The following ATG2B variants were observed in gnomAD, a reference collection of about 807,000 sequenced individuals.
ATG2B encodes the protein autophagy related 2B.
A neutral mutation model predicts 241.3 loss-of-function variants in ATG2B; 121 were observed. The observed-to-expected ratio is 0.50, with a 90% confidence interval of 0.43 to 0.58. The LOEUF is 0.58. Among genes scored for constraint, ATG2B ranks in the 20% least tolerant of loss-of-function variants. ATG2B has a pLI of 0.00. For synonymous variants in ATG2B, 858 were observed against 876.6 expected (o/e 0.98, Z 0.37); for missense variants, 2,306 against 2,491.6 (o/e 0.93, Z 1.59).
chr14:96,287,362 CAAT>C (rs1432550596), intron 41 of ATG2B, among the ~76,000 whole-genome samples: 4 of 151,008 alleles, frequency 2.6e-5, no homozygotes, highest in African/African-American at 9.8e-5. Context: ...ATGAGCACAA[CAAT>C]GTTTACAACT....
intron 6 of ATG2B, among the ~76,000 whole-genome samples, chr14:96,335,090 C>G (rs1887835649): frequency 6.6e-6 from 1 of 152,168 alleles, no homozygotes; most frequent in Non-Finnish European, 1.5e-5. Flanking sequence ...TCTTTTCCAA[C>G]TCTTTGCCCA....
In ATG2B at chr14:96,323,767, G is replaced by A. The variant is rs868841799; in HGVS notation, c.2540+129C>T. On this transcript the variant is annotated intron_variant, in intron 16 of 41. Coordinates refer to ENST00000359933, the MANE Select transcript of ATG2B (RefSeq NM_018036.7). ...ATTCATGTGAACACCCAATCATCAC[G>A]CTTATGAACCACAAAAGAATCAAGG... 2.1e-5 allele frequency: 15 copies of A among 700,210 alleles called. No individual in the cohort carries two copies. The Middle Eastern group carries it at 1.5e-3, about 69-fold the overall frequency. The allele number at this position is 700,210 out of a possible 1,614,324, so 43.4% of individuals were successfully genotyped here.
At position 96,328,353 on chromosome 14, in the gene ATG2B, A is replaced by G. The variant is rs1357204394; in HGVS notation, c.2157T>C (p.Ile719=). 6.2e-7 allele frequency: 1 copy of G among 1,604,264 alleles called. No individual in the cohort carries two copies. Among genetic ancestry groups the G allele is most frequent in the Non-Finnish European group, 8.5e-7 (1 of 1,175,228 alleles). The part of the protein sequence containing the change: ...SHMYTSYNKH[I]SLHKAFTEVF... ...GCAGCTTTTGAATACTTACCAGACT[A>G]ATATGTTTATTATATGAAGTATACA... Residue 719 remains isoleucine, a synonymous_variant, in exon 14 of 42, where the codon ATT becomes ATC. Coordinates refer to ENST00000359933, the MANE Select transcript of ATG2B (RefSeq NM_018036.7).
chr14:96,337,442 C>T (rs1887895777), intron 6 of ATG2B, among the ~76,000 whole-genome samples: 1 of 152,094 alleles, frequency 6.6e-6, no homozygotes, highest in African/African-American at 2.4e-5. Context: ...TGTCTTTATA[C>T]AGTGTCAAAG....
Position 96,347,305 on chromosome 14 carries a change from A to C in ATG2B, c.199T>G (p.Leu67Val), listed in dbSNP as rs763755775. 6.2e-7 allele frequency: 1 copy of C among 1,603,854 alleles called. No individual in the cohort carries two copies. Among genetic ancestry groups the C allele is most frequent in the Non-Finnish European group, 8.5e-7 (1 of 1,172,114 alleles). ...NEILESADAPLEVTEGFIQSI... is the reference protein window; with the variant it reads ...NEILESADAPVEVTEGFIQSI... ...TGAATGAATCCTTCAGTGACTTCTA[A>C]GGGTGCATCTGCTGACTCCAAGATC... The change falls in exon 2 of 42, where the codon TTA (leucine) becomes GTA (valine). Residue 67 changes from leucine to valine, a missense_variant. Physicochemically the swap from Leu to Val is conservative, Grantham distance 32. Transcript: ENST00000359933.
In ATG2B at chr14:96,311,405, A is replaced by G. The variant is rs139298418; in HGVS notation, c.3991-118T>C. ...ATAATCTGTCTCGCTACATAAAAAA[A>G]GTATTTAAATAAATCCATTTTTAAT... On this transcript the variant is annotated intron_variant, in intron 27 of 41. Transcript: ENST00000359933. The G allele has an allele frequency of 1.3e-4, 162 of 1,209,338 alleles. 1 individual carries two copies. In the African/African-American group the frequency reaches 2.0e-3, roughly 15 times the overall value. 74.9% of individuals were successfully genotyped at this position (1,209,338 alleles called of 1,614,324 possible).
At position 96,290,570 on chromosome 14, in the gene ATG2B, C is replaced by T. The variant is rs1266961893; in HGVS notation, c.5722G>A (p.Val1908Ile). 6 of 1,614,076 alleles carry T rather than the reference C, an allele frequency of 3.7e-6. No homozygotes were observed. The highest frequency in any genetic ancestry group is 4.2e-6 in the Non-Finnish European group (5 of 1,180,038). ...CGGTACTGCTCTATTGGGAGCCAGA[C>T]CAAGTCCTTTAGGCCTTGTACTACA... ...VQLVQGLKDL[V>I]WLPIEQYRKD... The change falls in exon 40 of 42, where the codon GTC (valine) becomes ATC (isoleucine). Residue 1908 changes from valine (V) to isoleucine (I), a missense_variant. Physicochemically the swap from Val to Ile is conservative, Grantham distance 29. Transcript: ENST00000359933. This position sits in a 1 kb window ranked among gnomAD's most constrained non-coding sequence, Gnocchi z 4.4.
chr14:96,294,280 A>G (rs1886568693), intron 36 of ATG2B, among the ~76,000 whole-genome samples: 1 of 152,226 alleles, frequency 6.6e-6, no homozygotes, highest in South Asian at 2.1e-4. Context: ...TGCTCCTCAT[A>G]ACAAGGGGGC....
chr14:96,287,272 A>AAT (rs1886362901), intron 41 of ATG2B, among the ~76,000 whole-genome samples: 3 of 151,378 alleles, frequency 2.0e-5, no homozygotes, highest in East Asian at 3.9e-4. Flanking sequence ...AAAAAAAAAA[A>AAT]ACGTGTCCAG....
chr14:96,317,719 A>G lies in ATG2B; in HGVS notation c.3016T>C (p.Phe1006Leu). ...TTACCATAGTGAACTGCAGATTTAAATGCACTAAAACTATCTTTGTTGAAA... is the reference window on the plus strand; with the variant it reads ...TTACCATAGTGAACTGCAGATTTAAGTGCACTAAAACTATCTTTGTTGAAA... The part of the protein sequence containing the change: ...NTFNKDSFSA[F>L]KSAVHYDEES... Residue 1006 changes from phenylalanine to leucine, a missense_variant, in exon 19 of 42, where the codon TTT becomes CTT. By Grantham distance (22) the Phe-to-Leu change is conservative. Transcript: ENST00000359933. 1 of 1,609,256 alleles carries G rather than the reference A, an allele frequency of 6.2e-7. No individual in the cohort carries two copies. The highest frequency in any genetic ancestry group is 8.5e-7 in the Non-Finnish European group (1 of 1,177,368).
intron 16 of ATG2B, 111 bp from the exon 17 acceptor site, chr14:96,322,846 T>A: frequency 2.3e-6 from 2 of 863,158 alleles, no homozygotes; most frequent in East Asian, 2.7e-5. Flanking sequence ...ATGATAGAAT[T>A]AAACTTCTCT....
At position 96,330,213 on chromosome 14, in the gene ATG2B, G is replaced by A. The variant is rs182082033; in HGVS notation, c.1731-579C>T. 5.2e-4 allele frequency among the ~76,000 whole-genome samples: 79 copies of A among 151,924 alleles called. 1 individual carries two copies. In the East Asian group the frequency reaches 0.014, roughly 26 times the overall value. ...AAAAATACAAGAAAAAAAAAGGGGG[G>A]TGGAAGAAAACAAAATGTTTTTACA... On this transcript the variant is annotated intron_variant, in intron 11 of 41. Transcript: ENST00000359933.
intron 20 of ATG2B, among the ~76,000 whole-genome samples, 177 bp from the exon 21 acceptor site, chr14:96,316,860 G>A (rs1182048559): frequency 3.9e-5 from 6 of 152,158 alleles, no homozygotes; most frequent in Admixed American, 3.9e-4. Flanking sequence ...TAACTTAAAT[G>A]CTATGTGGAA....
intron 2 of ATG2B, 83 bp downstream of exon 2, chr14:96,347,096 A>T: frequency 7.9e-7 from 1 of 1,260,364 alleles, no homozygotes; most frequent in Non-Finnish European, 1.1e-6. Context: ...CAAAGCAAAA[A>T]TACTAAATTT....
In ATG2B at chr14:96,290,653, C is replaced by T. The variant is rs1252730759; in HGVS notation, c.5702-63G>A. 6 of 1,592,570 alleles carry T rather than the reference C, an allele frequency of 3.8e-6. No homozygotes were observed. Among genetic ancestry groups the T allele is most frequent in the Non-Finnish European group, 5.1e-6 (6 of 1,168,362 alleles). On this transcript the variant is annotated intron_variant, in intron 39 of 41. Transcript: ENST00000359933. The surrounding 1 kb of genome is among the most constrained non-coding windows in gnomAD (Gnocchi z 4.4). ...GTTCAGACTTTTCTATCATTCTAACCCTGGGGTTTTTAACTCCTAAAACTG... is the reference window on the plus strand; with the variant it reads ...GTTCAGACTTTTCTATCATTCTAACTCTGGGGTTTTTAACTCCTAAAACTG...
Position 96,324,016 on chromosome 14 carries a change from T to G in ATG2B, c.2438-18A>C, listed in dbSNP as rs545412536. On this transcript the variant is annotated intron_variant, in intron 15 of 41. Transcript: ENST00000359933. Reference sequence around the variant, plus strand: ...GAACGATCCTAAAAAAAAAGACTGATTTACTGAAATGTGCTTCTTCTCAAG... The same window carrying G: ...GAACGATCCTAAAAAAAAAGACTGAGTTACTGAAATGTGCTTCTTCTCAAG... The G allele has an allele frequency of 2.0e-6, 3 of 1,510,674 alleles. No homozygotes were observed. The highest frequency in any genetic ancestry group is 2.7e-6 in the Non-Finnish European group (3 of 1,103,216). The allele number at this position is 1,510,674 out of a possible 1,614,324, so 93.6% of individuals were successfully genotyped here. A position where few individuals can be genotyped will look rare whatever the true frequency, so the allele number is the denominator to read the frequency against.
chr14:96,320,744 T>C (rs967902091), intron 18 of ATG2B, among the ~76,000 whole-genome samples: 3 of 152,212 alleles, frequency 2.0e-5, no homozygotes, highest in Admixed American at 6.5e-5. Context: ...GTCAAGTGTT[T>C]TTGATCTCTG....
At position 96,332,428 on chromosome 14, in the gene ATG2B, T is replaced by A. The variant is rs770499233; in HGVS notation, c.1363-18A>T. On this transcript the variant is annotated intron_variant, in intron 9 of 41. Coordinates refer to ENST00000359933, the MANE Select transcript of ATG2B (RefSeq NM_018036.7). The stretch of plus-strand genomic sequence containing the variant: ...GGCTGAAGCTATAAAAGATTTTTTT[T>A]AAGCACATGAATGAAGTGTAGAATT... 3.7e-6 allele frequency: 6 copies of A among 1,612,990 alleles called. No homozygotes were observed. In the Admixed American group the frequency reaches 8.3e-5, roughly 22 times the overall value.
chr14:96,341,675 G>C lies in ATG2B; in HGVS notation c.771C>G (p.Ser257Arg), dbSNP rs1427671018. Residue 257 changes from serine (S) to arginine (R), a missense_variant, in exon 6 of 42, where the codon AGC becomes AGG. Transcript: ENST00000359933. ...PVETEPKLSPSWNPKIIYEPH... is the reference protein window; with the variant it reads ...PVETEPKLSPRWNPKIIYEPH... Reference sequence around the variant, plus strand: ...GCTCATAAATAATTTTGGGGTTCCAGCTAGGTGAGAGCTTTGGCTCAGTTT... The same window carrying C: ...GCTCATAAATAATTTTGGGGTTCCACCTAGGTGAGAGCTTTGGCTCAGTTT... 4.4e-6 allele frequency: 7 copies of C among 1,585,150 alleles called. No homozygotes were observed. The highest frequency in any genetic ancestry group is 6.0e-6 in the Non-Finnish European group (7 of 1,163,486).
Sources: gnomAD v4.1 joint callset for allele counts (sites outside exome capture counted in the v4.1 genomes callset) on GRCh38, gnomAD v4.1.1 for gene constraint, Gnocchi (gnomAD v3.1) non-coding constraint, MANE v1.5 for transcripts, NCBI Gene and HGNC (gene_info 2026-07-23, HGNC 2026-07-21) for gene names.